Variants in PRUNE2 observed in about 807,000 individuals in gnomAD.
PRUNE2 encodes protein prune homolog 2.
Under a neutral mutation model 252.0 loss-of-function variants are expected in PRUNE2, and 164 were observed. The ratio of observed to expected loss-of-function variants is 0.65; its 90% CI spans 0.57 to 0.74. PRUNE2 has a LOEUF of 0.74. Among genes scored for constraint, PRUNE2 ranks in the 30% least tolerant of loss-of-function variants. The pLI, the probability that PRUNE2 is intolerant of heterozygous loss-of-function variation, is 0.00. For synonymous variants in PRUNE2, 1,292 were observed against 1,350.2 expected (o/e 0.96, Z 0.94); for missense variants, 3,495 against 3,711.0 (o/e 0.94, Z 1.51).
chr9:76,745,446 G>A (rs532244958), intron 6 of PRUNE2, among the ~76,000 whole-genome samples: 4 of 152,108 alleles, frequency 2.6e-5, no homozygotes, highest in Non-Finnish European at 5.9e-5. Context: ...CTTTTAGGAT[G>A]TCTTTTCAGG....
chr9:76,849,514 G>A (rs1388769159), intron 3 of PRUNE2, among the ~76,000 whole-genome samples: 1 of 152,124 alleles, frequency 6.6e-6, no homozygotes, highest in Non-Finnish European at 1.5e-5. Flanking sequence ...ATAAGAAAGT[G>A]TTTGAAATGG....
rs2046684092 is a variant in PRUNE2, at chr9:76,710,984, C to T, written c.1290G>A (p.Leu430=). Residue 430 remains leucine, a synonymous_variant, in exon 8 of 19, where the codon CTG becomes CTA. Coordinates refer to ENST00000376718, the MANE Select transcript of PRUNE2 (RefSeq NM_015225.3). Reference sequence around the variant, plus strand: ...ATGAGCGGCTGCTCCTAATGGTAGCCAGTCCGCTGTCTGGGCTAACAAGGT... The same window carrying T: ...ATGAGCGGCTGCTCCTAATGGTAGCTAGTCCGCTGTCTGGGCTAACAAGGT... ...NVDLVSPDSG[L]ATIRSSRSSK... The T allele has an allele frequency of 1.9e-6, 3 of 1,610,380 alleles. No individual in the cohort carries two copies. Among genetic ancestry groups the T allele is most frequent in the African/African-American group, 1.3e-5 (1 of 74,836 alleles).
At chr9:76,851,549 G>GA (rs1329349820) in intron 2 of PRUNE2, among the ~76,000 whole-genome samples, 51 of 113,514 alleles carry the variant, frequency 4.5e-4, no homozygotes, top group East Asian at 9.4e-4. Flanking sequence ...CTCTGTCTCG[G>GA]AAAAAAAAAA....
chr9:76,798,336 CTT>C (rs539211569), intron 6 of PRUNE2, among the ~76,000 whole-genome samples: 277 of 152,284 alleles, frequency 1.8e-3, no homozygotes, highest in Admixed American at 6.1e-3. Flanking sequence ...TGGTTCCTGT[CTT>C]TATGAATTTG....
At chr9:76,633,097 C>T (rs1490124713) in intron 15 of PRUNE2, among the ~76,000 whole-genome samples, 1 of 152,076 alleles carries the variant, frequency 6.6e-6, no homozygotes, top group Non-Finnish European at 1.5e-5. Context: ...TGGCACATGC[C>T]TGTAATCCCA....
intron 1 of PRUNE2, among the ~76,000 whole-genome samples, chr9:76,867,537 C>T (rs2060919476): frequency 6.6e-6 from 1 of 152,120 alleles, no homozygotes; most frequent in Non-Finnish European, 1.5e-5. Context: ...AGAGCCCTCA[C>T]CTTGCTTTGC....
chr9:76,765,177 G>C (rs547423292), intron 6 of PRUNE2, among the ~76,000 whole-genome samples: 2 of 152,144 alleles, frequency 1.3e-5, no homozygotes, highest in Non-Finnish European at 2.9e-5. Flanking sequence ...CAATGAGCTG[G>C]AACCAAGCTG....
At chr9:76,804,958 A>G (rs1157337465) in intron 6 of PRUNE2, among the ~76,000 whole-genome samples, 1 of 152,182 alleles carries the variant, frequency 6.6e-6, no homozygotes, top group Non-Finnish European at 1.5e-5. Flanking sequence ...ACAGTGGCTC[A>G]CGCCTGTAAT....
intron 17 of PRUNE2, among the ~76,000 whole-genome samples, chr9:76,622,265 A>T (rs1311761286): frequency 6.6e-6 from 1 of 152,184 alleles, no homozygotes; most frequent in East Asian, 1.9e-4. Flanking sequence ...ATTTAGACAC[A>T]TTGGGAGAGG....
chr9:76,705,423 G>A lies in PRUNE2; in HGVS notation c.6851C>T (p.Ala2284Val), dbSNP rs3739522. Residue 2284 changes from alanine to valine, a missense_variant, in exon 8 of 19, where the codon GCT becomes GTT. Physicochemically the swap from Ala to Val is moderately conservative, Grantham distance 64 (BLOSUM62 0). Coordinates refer to ENST00000376718, the MANE Select transcript of PRUNE2 (RefSeq NM_015225.3). ...STENPALVPD[A>V]LLASDTCLDI... is the part of the protein sequence containing the mutation. ...CAGACAAGTGTCTGAGGCTAGCAAA[G>A]CATCAGGAACCAAGGCAGGATTCTC... The A allele has an allele frequency of 2.5e-6, 4 of 1,613,822 alleles. No homozygotes were observed. In the African/African-American group the frequency reaches 5.3e-5, roughly 22 times the overall value.
At chr9:76,736,321 G>A (rs7856888) in intron 6 of PRUNE2, among the ~76,000 whole-genome samples, 96,526 of 152,084 alleles carry the variant, frequency 0.63, 31,337 homozygotes, top group East Asian at 0.84. Flanking sequence ...TTTATGCTAT[G>A]GATAATTTCT....
intron 1 of PRUNE2, among the ~76,000 whole-genome samples, chr9:76,903,404 C>CT (rs1478867231): frequency 1.3e-5 from 2 of 151,478 alleles, no homozygotes; most frequent in Non-Finnish European, 2.9e-5. Context: ...AGTAATTAGG[C>CT]TTTTTTGTTT....
intron 6 of PRUNE2, among the ~76,000 whole-genome samples, chr9:76,790,230 T>G (rs2055422608): frequency 6.6e-6 from 1 of 152,176 alleles, no homozygotes; most frequent in Non-Finnish European, 1.5e-5. Context: ...GAGAGCAGCT[T>G]GAGGAAAGAG....
chr9:76,636,972 AATGTGTGTGTGTGT>A lies in PRUNE2; in HGVS notation c.8964-429_8964-416del, dbSNP rs752104147. ...CTCCAACAACAACGACAACAACAAA[AATGTGTGTGTGTGT>A]GTGTGTGTGTGTGTGTGTGTGTGTA... On this transcript the variant is annotated intron_variant, in intron 14 of 18. Coordinates refer to ENST00000376718, the MANE Select transcript of PRUNE2 (RefSeq NM_015225.3). 5.5e-4 allele frequency among the ~76,000 whole-genome samples: 73 copies of A among 131,552 alleles called. 1 individual carries two copies. Among genetic ancestry groups the A allele is most frequent in the African/African-American group, 2.2e-3 (70 of 32,230 alleles). 86.3% of individuals were successfully genotyped at this position (131,552 alleles called of 152,430 possible). A position where few individuals can be genotyped will look rare whatever the true frequency, so the allele number is the denominator to read the frequency against.
intron 6 of PRUNE2, among the ~76,000 whole-genome samples, chr9:76,729,438 T>C (rs1356841903): frequency 2.0e-5 from 3 of 152,160 alleles, no homozygotes; most frequent in Admixed American, 6.5e-5. Flanking sequence ...GAGCCTCAGG[T>C]TCCTATCTGT....
chr9:76,889,579 C>T (rs2046988878), intron 1 of PRUNE2, among the ~76,000 whole-genome samples: 1 of 152,120 alleles, frequency 6.6e-6, no homozygotes, highest in African/African-American at 2.4e-5. Context: ...CTCAGCCTCC[C>T]GAAGTGTTGG....
chr9:76,669,080 A>G (rs367619936), intron 9 of PRUNE2, among the ~76,000 whole-genome samples: 21 of 151,822 alleles, frequency 1.4e-4, no homozygotes, highest in African/African-American at 5.1e-4. Context: ...CATTTTAAAG[A>G]AACCATCTCC....
chr9:76,639,273 C>T (rs1456602110), intron 12 of PRUNE2, among the ~76,000 whole-genome samples: 7 of 152,300 alleles, frequency 4.6e-5, no homozygotes, highest in Admixed American at 3.9e-4. Flanking sequence ...AGGCAGATCA[C>T]TTGAGGCCAG....
chr9:76,708,412 T>G lies in PRUNE2; in HGVS notation c.3862A>C (p.Thr1288Pro), dbSNP rs1332078131. ...TCACTTTGCAGGGTTTCCCTCTCTG[T>G]GTCCTGCTTGTCAAGATGAGATATA... The part of the protein sequence containing the change: ...ALISHLDKQD[T>P]ERETLQSDAA... The change falls in exon 8 of 19, where the codon ACA (threonine) becomes CCA (proline). Residue 1288 changes from threonine to proline, a missense_variant. Transcript: ENST00000376718. 6.2e-7 allele frequency: 1 copy of G among 1,613,766 alleles called. No individual in the cohort carries two copies. Among genetic ancestry groups the G allele is most frequent in the South Asian group, 1.1e-5 (1 of 91,086 alleles).
Sources: gnomAD v4.1 joint callset for allele counts (sites outside exome capture counted in the v4.1 genomes callset) on GRCh38, gnomAD v4.1.1 for gene constraint, MANE v1.5 for transcripts, NCBI Gene and HGNC (gene_info 2026-07-23, HGNC 2026-07-21) for gene names.